The following USP18 variants were observed in gnomAD, a reference collection of about 807,000 sequenced individuals.
USP18 encodes the protein ubl carboxyl-terminal hydrolase 18.
A neutral mutation model predicts 48.7 loss-of-function variants in USP18; 11 were observed. That is an observed-to-expected ratio of 0.23 (90% CI 0.14 to 0.37). USP18 has a LOEUF of 0.37. USP18 is among the 10% of genes least tolerant of loss of function. The pLI, the probability that USP18 is intolerant of heterozygous loss-of-function variation, is 1.00. For missense variants in USP18, 285 were observed against 436.4 expected (o/e 0.65, Z 3.09); for synonymous variants, 114 against 163.2 (o/e 0.70, Z 2.30).
At chr22:18,153,012 C>T (rs949632494) in intron 1 of USP18, among the ~76,000 whole-genome samples, 4 of 152,230 alleles carry the variant, frequency 2.6e-5, no homozygotes, top group Non-Finnish European at 4.4e-5. Flanking sequence ...CTGCTGTCAT[C>T]ATTTCAGTTG....
chr22:18,167,155 A>C, intron 4 of USP18, 100 bp from the exon 5 acceptor site: 8 of 1,411,926 alleles, frequency 5.7e-6, no homozygotes, highest in Admixed American at 1.9e-5. Context: ...AGGGCTAGGA[A>C]GAGACAAAGT....
chr22:18,175,348 C>T (rs559619654), intron 10 of USP18, among the ~76,000 whole-genome samples: 19 of 152,126 alleles, frequency 1.2e-4, no homozygotes, highest in African/African-American at 4.6e-4. Context: ...TTTTCAGCTA[C>T]AGAGATAGGC....
At position 18,167,270 on chromosome 22, in the gene USP18, A is replaced by T; in HGVS notation, c.416A>T (p.Asp139Val). The T allele has an allele frequency of 6.2e-7, 1 of 1,613,762 alleles. No individual in the cohort carries two copies. Among genetic ancestry groups the T allele is most frequent in the Non-Finnish European group, 8.5e-7 (1 of 1,179,770 alleles). ...KCNVPLFVQH[D>V]AAQLYLKLWN... ...CTGTGGCCAGTGTTTGTCCAACATG[A>T]TGCTGCCCAACTGTACCTCAAACTC... The change falls in exon 5 of 11, where the codon GAT (aspartate) becomes GTT (valine). Residue 139 changes from aspartate (D) to valine (V), a missense_variant. Coordinates refer to ENST00000215794, the MANE Select transcript of USP18 (RefSeq NM_017414.4).
At chr22:18,157,883 C>G in intron 2 of USP18, 63 bp downstream of exon 2, 2 of 1,596,838 alleles carry the variant, frequency 1.3e-6, no homozygotes, top group Non-Finnish European at 1.7e-6. Context: ...TCACCCCCTC[C>G]GCTCTGAAGC....
rs1929710098 is a variant in USP18, at chr22:18,173,972, C to A, written c.1073+130C>A. 3.2e-6 allele frequency: 4 copies of A among 1,258,048 alleles called. No homozygotes were observed. In the South Asian group the frequency reaches 4.3e-5, roughly 14 times the overall value. The allele number at this position is 1,258,048 out of a possible 1,614,324, so 77.9% of individuals were successfully genotyped here. Reference sequence around the variant, plus strand: ...CACTGTCCGCCTCATCTCCAGCACTCACCCCACCACCCCATGTTTGCCTCA... The same window carrying A: ...CACTGTCCGCCTCATCTCCAGCACTAACCCCACCACCCCATGTTTGCCTCA... On this transcript the variant is annotated intron_variant, in intron 10 of 10. Transcript: ENST00000215794.
At chr22:18,153,490 T>A (rs1190345019) in intron 1 of USP18, among the ~76,000 whole-genome samples, 4 of 151,560 alleles carry the variant, frequency 2.6e-5, no homozygotes, top group Admixed American at 2.0e-4. Flanking sequence ...CGTGGCACGA[T>A]CATAACTCAC....
In USP18 at chr22:18,155,818, C is replaced by T. The variant is rs148747820; in HGVS notation, c.-106-1740C>T. Among the ~76,000 whole-genome samples the T allele has an allele frequency of 6.1e-3, 936 of 152,366 alleles. 2 individuals carry two copies. The highest frequency in any genetic ancestry group is 9.7e-3 in the Non-Finnish European group (658 of 68,036). ...GACCAAGCCTCCCCGACCAGCGCCG[C>T]TCCCGGCTCCACGCCGCCGAGTCCC... On this transcript the variant is annotated intron_variant, in intron 1 of 10. Coordinates refer to ENST00000215794, the MANE Select transcript of USP18 (RefSeq NM_017414.4).
At chr22:18,164,651 G>GGA (rs1420682498) in intron 4 of USP18, among the ~76,000 whole-genome samples, 2 of 152,130 alleles carry the variant, frequency 1.3e-5, no homozygotes, top group African/African-American at 4.8e-5. Flanking sequence ...ATCCTTCCAG[G>GGA]GAGAAACTGG....
At chr22:18,166,582 G>A (rs2123736719) in intron 4 of USP18, among the ~76,000 whole-genome samples, 1 of 151,536 alleles carries the variant, frequency 6.6e-6, no homozygotes, top group Non-Finnish European at 1.5e-5. Context: ...AGCAGGGTTT[G>A]TTGTTGTTGC....
intron 1 of USP18, among the ~76,000 whole-genome samples, chr22:18,155,514 G>C (rs1172049184): frequency 6.6e-6 from 1 of 152,232 alleles, no homozygotes; most frequent in Non-Finnish European, 1.5e-5. Context: ...AGCTTGCGGG[G>C]AGGTGTGGAG....
At chr22:18,172,782 G>T (rs1374080880) in intron 8 of USP18, among the ~76,000 whole-genome samples, 1 of 150,712 alleles carries the variant, frequency 6.6e-6, no homozygotes, top group Non-Finnish European at 1.5e-5. Flanking sequence ...CCCTACAAAA[G>T]ACTTTTTTGG....
intron 1 of USP18, among the ~76,000 whole-genome samples, chr22:18,154,120 A>G (rs753098376): frequency 1.1e-4 from 16 of 150,126 alleles, no homozygotes; most frequent in Admixed American, 4.0e-4. Flanking sequence ...ATCTATTTTT[A>G]GGTTTTTAAG....
At chr22:18,156,088 ACCAGTCGAC>A (rs1278115456) in intron 1 of USP18, among the ~76,000 whole-genome samples, 2 of 152,144 alleles carry the variant, frequency 1.3e-5, no homozygotes, top group Admixed American at 6.5e-5. Flanking sequence ...TTGTGAATGC[ACCAGTCGAC>A]CCTCTGAATC....
At chr22:18,170,435 C>G (rs2543684) in intron 7 of USP18, among the ~76,000 whole-genome samples, 2 of 152,192 alleles carry the variant, frequency 1.3e-5, no homozygotes, top group African/African-American at 4.8e-5. Flanking sequence ...TGCAGGAGGG[C>G]GCCTGAGAGC....
rs1024998102 is a variant in USP18, at chr22:18,157,524, C to G, written c.-106-34C>G. On this transcript the variant is annotated intron_variant, in intron 1 of 10. Transcript: ENST00000215794. ...TACATGAATACACATTCCTCCTTCT[C>G]TAATTCTTGCCTACCCGCATTGTAT... is the stretch of plus-strand genomic sequence containing the variant. 129 of 1,111,034 alleles carry G rather than the reference C, an allele frequency of 1.2e-4. 1 individual carries two copies. Among genetic ancestry groups the G allele is most frequent in the Non-Finnish European group, 1.1e-4 (84 of 760,962 alleles). 68.8% of individuals were successfully genotyped at this position (1,111,034 alleles called of 1,614,324 possible).
At chr22:18,176,416 GA>G (rs1929798193) in intron 10 of USP18, among the ~76,000 whole-genome samples, 1 of 74,140 alleles carries the variant, frequency 1.3e-5, no homozygotes, top group Non-Finnish European at 2.4e-5. Flanking sequence ...GGAGGGAGGG[GA>G]GGGGTGAAAG....
chr22:18,157,936 A>T, intron 2 of USP18, 116 bp downstream of exon 2: 1 of 1,395,638 alleles, frequency 7.2e-7, no homozygotes, highest in Non-Finnish European at 9.8e-7. Flanking sequence ...CCTGTGCCTG[A>T]GTTTCTGCAT....
At chr22:18,155,602 C>T (rs1354623356) in intron 1 of USP18, among the ~76,000 whole-genome samples, 8 of 152,048 alleles carry the variant, frequency 5.3e-5, no homozygotes, top group South Asian at 2.1e-4. Context: ...GTGGGCTCGG[C>T]GGGCCCGCAC....
rs763028403 is a variant in USP18, at chr22:18,160,256, G to C, written c.242G>C (p.Arg81Thr). The C allele has an allele frequency of 6.2e-7, 1 of 1,614,088 alleles. No individual in the cohort carries two copies. The highest frequency in any genetic ancestry group is 1.7e-5 in the Admixed American group (1 of 60,024). The change falls in exon 3 of 11, where the codon AGG becomes ACG. Residue 81 changes from arginine (R) to threonine (T), a missense_variant. Transcript: ENST00000215794. ...TTCGTAATGAATGTGGACTTCACCA[G>C]GATATTGAAGAGGTAAGACTGTTCT... ...QVFVMNVDFT[R>T]ILKRITVPRG...
Sources: allele counts gnomAD v4.1 joint callset (sites outside exome capture counted in the v4.1 genomes callset), GRCh38; gene constraint gnomAD v4.1.1; transcripts MANE v1.5; gene names NCBI Gene and HGNC (gene_info 2026-07-23, HGNC 2026-07-21).